Variants in ANKIB1 observed in about 807,000 individuals in gnomAD.
ANKIB1 encodes ankyrin repeat and IBR domain containing 1, also known as ankyrin repeat and IBR domain-containing protein 1.
Under a neutral mutation model 122.1 loss-of-function variants are expected in ANKIB1, and 43 were observed. The observed-to-expected ratio is 0.35, with a 90% CI of 0.28 to 0.45. The LOEUF is 0.45. ANKIB1 is among the 20% of genes least tolerant of loss of function. The pLI, the probability that ANKIB1 is intolerant of heterozygous loss-of-function variation, is 1.00. For synonymous variants in ANKIB1, 390 were observed against 442.0 expected, an observed-to-expected ratio of 0.88 and a Z score of 1.48; for missense variants, 992 against 1,329.5, an observed-to-expected ratio of 0.75 and a Z score of 3.95.
intron 10 of ANKIB1, among the ~76,000 whole-genome samples, chr7:92,368,277 G>A (rs1804143421): frequency 6.6e-6 from 1 of 151,074 alleles, no homozygotes; most frequent in South Asian, 2.1e-4. Flanking sequence ...AAGTTAATAC[G>A]TTTTAGAAAG....
intron 1 of ANKIB1, among the ~76,000 whole-genome samples, chr7:92,250,215 G>A (rs1801297273): frequency 1.3e-5 from 2 of 151,986 alleles, no homozygotes; most frequent in South Asian, 4.1e-4. Context: ...CCAACATAGA[G>A]AAACCCCATC....
At chr7:92,363,582 G>C (rs1475476017) in intron 10 of ANKIB1, among the ~76,000 whole-genome samples, 1 of 152,260 alleles carries the variant, frequency 6.6e-6, no homozygotes, top group African/African-American at 2.4e-5. Context: ...AACTCAGGTT[G>C]GGGGAAGAAA....
At chr7:92,317,039 T>C (rs974508977) in intron 3 of ANKIB1, among the ~76,000 whole-genome samples, 2 of 152,198 alleles carry the variant, frequency 1.3e-5, no homozygotes, top group Non-Finnish European at 2.9e-5. Flanking sequence ...AGCTCTTTAG[T>C]TCTGCAGCAG....
At chr7:92,384,441 A>G (rs1469496189) in intron 11 of ANKIB1, among the ~76,000 whole-genome samples, 1 of 152,202 alleles carries the variant, frequency 6.6e-6, no homozygotes, top group Non-Finnish European at 1.5e-5. Flanking sequence ...AATCCTAAGC[A>G]AAAAGAACAA....
At chr7:92,301,025 T>G (rs983555964) in intron 2 of ANKIB1, among the ~76,000 whole-genome samples, 1 of 152,186 alleles carries the variant, frequency 6.6e-6, no homozygotes, top group African/African-American at 2.4e-5. Flanking sequence ...TGGCAGGATT[T>G]CCTTCTTTTT....
At chr7:92,262,339 T>C (rs1307933039) in intron 1 of ANKIB1, among the ~76,000 whole-genome samples, 1 of 152,190 alleles carries the variant, frequency 6.6e-6, no homozygotes, top group African/African-American at 2.4e-5. Flanking sequence ...GGGGCTTTGC[T>C]GAGAAAACAG....
intron 1 of ANKIB1, among the ~76,000 whole-genome samples, chr7:92,271,164 C>CT (rs571714934): frequency 6.6e-5 from 10 of 151,368 alleles, no homozygotes; most frequent in African/African-American, 2.2e-4. Context: ...GGTGACGGCA[C>CT]TTTTTTTTTC....
intron 4 of ANKIB1, chr7:92,326,088 G>T (rs1448036327): frequency 3.7e-6 from 1 of 273,614 alleles, no homozygotes; most frequent in Non-Finnish European, 7.5e-6. Context: ...TGCTTCACAT[G>T]ACCTAATTAC....
intron 15 of ANKIB1, among the ~76,000 whole-genome samples, chr7:92,390,742 G>A (rs950695840): frequency 7.2e-5 from 11 of 152,072 alleles, no homozygotes; most frequent in African/African-American, 2.2e-4. Flanking sequence ...AATCACTGTC[G>A]TCTTGCCTTA....
chr7:92,264,161 GTT>G (rs532523170), intron 1 of ANKIB1, among the ~76,000 whole-genome samples: 1 of 136,802 alleles, frequency 7.3e-6, no homozygotes. Context: ...TTTCGTCGTC[GTT>G]TTTTTTTTTG....
chr7:92,387,942 A>G (rs1804695651), intron 13 of ANKIB1, 33 bp from the exon 14 acceptor site: 1 of 1,598,568 alleles, frequency 6.3e-7, no homozygotes, highest in East Asian at 2.2e-5. Context: ...AAATAAAGAG[A>G]ATGGTTTAAA....
intron 4 of ANKIB1, among the ~76,000 whole-genome samples, chr7:92,321,179 T>G (rs1788285512): frequency 6.6e-6 from 1 of 152,102 alleles, no homozygotes; most frequent in Non-Finnish European, 1.5e-5. Context: ...AGTGTTGTGT[T>G]TTGATATGTA....
intron 1 of ANKIB1, among the ~76,000 whole-genome samples, chr7:92,264,241 C>G (rs1801623822): frequency 6.7e-6 from 1 of 149,684 alleles, no homozygotes; most frequent in South Asian, 2.2e-4. Context: ...GAGGGAAAAC[C>G]TAAGTTACAT....
At chr7:92,277,803 G>T (rs1801934073) in intron 1 of ANKIB1, among the ~76,000 whole-genome samples, 1 of 151,834 alleles carries the variant, frequency 6.6e-6, no homozygotes, top group African/African-American at 2.4e-5. Context: ...AAAAAAATAG[G>T]CCAGGCATGG....
At chr7:92,362,352 CTTTA>C (rs1413899429) in intron 10 of ANKIB1, 79 bp downstream of exon 10, 9 of 1,347,090 alleles carry the variant, frequency 6.7e-6, no homozygotes, top group South Asian at 1.3e-5. Flanking sequence ...CTTTTTTAGT[CTTTA>C]TTTAAGAGGT....
chr7:92,276,991 T>C (rs576092625), intron 1 of ANKIB1, among the ~76,000 whole-genome samples: 1 of 152,146 alleles, frequency 6.6e-6, no homozygotes, highest in Admixed American at 6.5e-5. Context: ...TGATAAAGAG[T>C]GAGTTTTTGT....
At chr7:92,250,666 A>G (rs986502893) in intron 1 of ANKIB1, among the ~76,000 whole-genome samples, 1 of 152,214 alleles carries the variant, frequency 6.6e-6, no homozygotes, top group Non-Finnish European at 1.5e-5. Context: ...GATTTTGGCA[A>G]CTAAGGGCCT....
At chr7:92,312,258 AT>A (rs1187855576) in intron 3 of ANKIB1, among the ~76,000 whole-genome samples, 1 of 152,320 alleles carries the variant, frequency 6.6e-6, no homozygotes, top group East Asian at 1.9e-4. Flanking sequence ...TCACAAATTA[AT>A]TATTCTAAAT....
intron 15 of ANKIB1, among the ~76,000 whole-genome samples, chr7:92,390,426 G>A (rs1201413267): frequency 6.6e-6 from 1 of 151,954 alleles, no homozygotes; most frequent in Non-Finnish European, 1.5e-5. Context: ...TATAATTAAG[G>A]ATTTTATCAT....
Sources: allele counts gnomAD v4.1 joint callset (sites outside exome capture counted in the v4.1 genomes callset), GRCh38; gene constraint gnomAD v4.1.1; transcripts MANE v1.5; gene names NCBI Gene and HGNC (gene_info 2026-07-23, HGNC 2026-07-21).